ZFPM1: variants seen among roughly 807,000 people sequenced by gnomAD.
ZFPM1 encodes zinc finger protein ZFPM1.
Under a neutral mutation model 46.3 loss-of-function variants are expected in ZFPM1, and 28 were observed. The ratio of observed to expected loss-of-function variants is 0.60; its 90% CI spans 0.45 to 0.83. ZFPM1 has a LOEUF of 0.83. Among genes scored for constraint, ZFPM1 ranks in the 40% least tolerant of loss-of-function variants. ZFPM1 has a pLI of 0.00. For missense variants in ZFPM1, 1,878 were observed against 1,432.4 expected, an observed-to-expected ratio of 1.31 and a Z score of -5.02; for synonymous variants, 957 against 675.9, an observed-to-expected ratio of 1.42 and a Z score of -6.45.
At chr16:88,527,637 G>A (rs1452736926) in intron 5 of ZFPM1, among the ~76,000 whole-genome samples, 1 of 152,032 alleles carries the variant, frequency 6.6e-6, no homozygotes, top group African/African-American at 2.4e-5. Context: ...TGCCCCCTGC[G>A]GGTGGCTGCA....
Position 88,471,153 on chromosome 16 carries a change from C to A in ZFPM1, c.41-14786C>A, listed in dbSNP as rs1908400998. ...CTCCCCTGCAGCCATGATAGATAGACCAGACTTTTCCTCTCCACTTACTCC... is the reference window on the plus strand; with the variant it reads ...CTCCCCTGCAGCCATGATAGATAGAACAGACTTTTCCTCTCCACTTACTCC... On this transcript the variant is annotated intron_variant, in intron 1 of 9. Coordinates refer to ENST00000319555, the MANE Select transcript of ZFPM1 (RefSeq NM_153813.3). This position sits in a 1 kb window ranked among gnomAD's most constrained non-coding sequence, Gnocchi z 4.1. 6.6e-6 allele frequency among the ~76,000 whole-genome samples: 1 copy of A among 152,210 alleles called. No homozygotes were observed. The highest frequency in any genetic ancestry group is 1.5e-5 in the Non-Finnish European group (1 of 68,028).
At chr16:88,492,534 C>T (rs1365544163) in intron 3 of ZFPM1, among the ~76,000 whole-genome samples, 1 of 152,236 alleles carries the variant, frequency 6.6e-6, no homozygotes, top group Non-Finnish European at 1.5e-5. Context: ...GGATGGGACC[C>T]GGTCACGCTG....
intron 3 of ZFPM1, among the ~76,000 whole-genome samples, chr16:88,498,187 T>TG (rs146720574): frequency 0.048 from 7,237 of 151,966 alleles, 229 homozygotes; most frequent in South Asian, 0.11. Flanking sequence ...CGGACCCACC[T>TG]GGGGGGTCCC....
chr16:88,515,644 C>T (rs889874044), intron 4 of ZFPM1, among the ~76,000 whole-genome samples: 4 of 152,200 alleles, frequency 2.6e-5, no homozygotes, highest in African/African-American at 9.7e-5. Flanking sequence ...GTGGGCACTG[C>T]GGCCAGCAGC....
chr16:88,520,583 T>TG (rs1342741385), intron 4 of ZFPM1, among the ~76,000 whole-genome samples: 1 of 125,262 alleles, frequency 8.0e-6, no homozygotes, highest in African/African-American at 3.1e-5. Flanking sequence ...GATGGATGGA[T>TG]GGATGGGAGG....
In ZFPM1 at chr16:88,485,982, G is replaced by T; in HGVS notation, c.84G>T (p.Val28=). The change falls in exon 2 of 10, where the codon GTG becomes GTT. Residue 28 remains valine (V), a synonymous_variant. Transcript: ENST00000319555. ...AGGCCAGAGAGGAGGTGCAGTTGGTGGGTGCCAGCCACATGGAGCAAAAGG... is the reference window on the plus strand; with the variant it reads ...AGGCCAGAGAGGAGGTGCAGTTGGTTGGTGCCAGCCACATGGAGCAAAAGG... ...DMEAREEVQL[V]GASHMEQKAT... The T allele has an allele frequency of 1.2e-6, 2 of 1,612,842 alleles. No individual in the cohort carries two copies. The highest frequency in any genetic ancestry group is 1.7e-6 in the Non-Finnish European group (2 of 1,179,900).
At chr16:88,531,818 A>G (rs1567555952) in intron 6 of ZFPM1, among the ~76,000 whole-genome samples, 184 bp from the exon 7 acceptor site, 1 of 152,168 alleles carries the variant, frequency 6.6e-6, no homozygotes, top group Non-Finnish European at 1.5e-5. Context: ...GATCTACGGA[A>G]GGGAGTGGGG....
intron 1 of ZFPM1, among the ~76,000 whole-genome samples, chr16:88,484,734 C>T (rs749058588): frequency 3.9e-5 from 6 of 152,136 alleles, no homozygotes; most frequent in Non-Finnish European, 7.4e-5. Context: ...TGGAAGGGCA[C>T]CTCTGTCCTC....
At chr16:88,503,227 AGGG>A (rs1910470560) in intron 3 of ZFPM1, among the ~76,000 whole-genome samples, 1 of 68,892 alleles carries the variant, frequency 1.5e-5, no homozygotes, top group African/African-American at 5.7e-5. Context: ...GTGTCTGGGG[AGGG>A]GCCCACGGTT....
At chr16:88,472,782 C>T (rs192378934) in intron 1 of ZFPM1, among the ~76,000 whole-genome samples, 1 of 152,382 alleles carries the variant, frequency 6.6e-6, no homozygotes, top group Admixed American at 6.5e-5. Flanking sequence ...CATAACTCCA[C>T]GCCCTCCCGG....
At chr16:88,477,861 G>A (rs1207033922) in intron 1 of ZFPM1, among the ~76,000 whole-genome samples, 1 of 152,254 alleles carries the variant, frequency 6.6e-6, no homozygotes, top group African/African-American at 2.4e-5. Context: ...GGGACATTCA[G>A]TTCAGCAGCA....
chr16:88,533,001 T>A (rs2142494214), intron 9 of ZFPM1, 66 bp downstream of exon 9: 1 of 1,593,874 alleles, frequency 6.3e-7, no homozygotes, highest in East Asian at 2.2e-5. Flanking sequence ...GGGAGTGGGC[T>A]TGTCGCCCAA....
intron 4 of ZFPM1, among the ~76,000 whole-genome samples, chr16:88,524,056 G>A (rs967657896): frequency 1.4e-4 from 21 of 152,224 alleles, no homozygotes; most frequent in Non-Finnish European, 2.4e-4. Context: ...GCATTAAACC[G>A]GCCGGCAGGC....
At position 88,533,449 on chromosome 16, in the gene ZFPM1, G is replaced by A. The variant is rs764541000; in HGVS notation, c.1491G>A (p.Pro497=). The A allele has an allele frequency of 1.5e-5, 21 of 1,442,534 alleles. No individual in the cohort carries two copies. Among genetic ancestry groups the A allele is most frequent in the South Asian group, 4.1e-5 (3 of 72,904 alleles). 89.4% of individuals were successfully genotyped at this position (1,442,534 alleles called of 1,614,324 possible). A position where few individuals can be genotyped will look rare whatever the true frequency, so the allele number is the denominator to read the frequency against. Residue 497 remains proline (P), a synonymous_variant, in exon 10 of 10, where the codon CCG becomes CCA. Transcript: ENST00000319555. ...SRTPSPRSPA[P]ARVKAELSSP... is the part of the protein sequence containing the mutation. ...CGCCGTCGCCGCGCAGCCCCGCCCC[G>A]GCCAGGGTCAAGGCCGAGCTGTCCA...
rs951236158 is a variant in ZFPM1 at position 88,480,186 on chromosome 16, A to T, written c.41-5753A>T. Among the ~76,000 whole-genome samples the T allele has an allele frequency of 6.6e-6, 1 of 151,584 alleles. No homozygotes were observed. The highest frequency in any genetic ancestry group is 1.5e-5 in the Non-Finnish European group (1 of 67,898). On this transcript the variant is annotated intron_variant, in intron 1 of 9. Transcript: ENST00000319555. This position sits in a 1 kb window ranked among gnomAD's most constrained non-coding sequence, Gnocchi z 4.9. ...GCAGCCTCCTCCTCTCCCCATCCAG[A>T]TTGCCACCCACTTGCTACTTCCTCC...
chr16:88,528,353 A>C, intron 6 of ZFPM1, 115 bp downstream of exon 6: 5 of 1,199,482 alleles, frequency 4.2e-6, no homozygotes, highest in Non-Finnish European at 5.7e-6. Context: ...CTGCCGACAG[A>C]GTGAGAGGTA....
In ZFPM1 at chr16:88,532,153, C is replaced by G. The variant is rs749250734; in HGVS notation, c.864C>G (p.Asn288Lys). 3.1e-6 allele frequency: 5 copies of G among 1,612,638 alleles called. No individual in the cohort carries two copies. Among genetic ancestry groups the G allele is most frequent in the Admixed American group, 1.7e-5 (1 of 59,992 alleles). ...AGAAGCCCAAAGAGACCTACCCCAA[C>G]GAGCGCGTCTGCCCCTTCCCCCAGT... The part of the protein sequence containing the change: ...TDEKPKETYP[N>K]ERVCPFPQCR... The change falls in exon 7 of 10, where the codon AAC becomes AAG. Residue 288 changes from asparagine (N) to lysine (K), a missense_variant. Coordinates refer to ENST00000319555, the MANE Select transcript of ZFPM1 (RefSeq NM_153813.3).
intron 2 of ZFPM1, 148 bp downstream of exon 2, chr16:88,486,191 G>C: frequency 3.6e-6 from 3 of 837,946 alleles, no homozygotes; most frequent in Non-Finnish European, 5.5e-6. Flanking sequence ...CCAGAGGCCT[G>C]TTGCCCGGAG....
At chr16:88,501,450 G>A (rs1240764877) in intron 3 of ZFPM1, among the ~76,000 whole-genome samples, 1 of 137,272 alleles carries the variant, frequency 7.3e-6, no homozygotes, top group African/African-American at 3.0e-5. Flanking sequence ...CCATCCCGCA[G>A]GTGCTGGTGA....
Sources: allele counts gnomAD v4.1 joint callset (sites outside exome capture counted in the v4.1 genomes callset), GRCh38; gene constraint gnomAD v4.1.1; non-coding constraint Gnocchi (gnomAD v3.1); transcripts MANE v1.5; gene names NCBI Gene and HGNC (gene_info 2026-07-23, HGNC 2026-07-21).